TTN: variants seen among roughly 807,000 people sequenced by gnomAD.
TTN encodes titin.
TTN carries 1,525 observed loss-of-function variants against 3,223.0 expected under a neutral mutation model. The observed-to-expected ratio is 0.47, with a 90% CI of 0.45 to 0.49. The LOEUF (loss-of-function observed/expected upper bound fraction) is 0.49. TTN is among the 20% of genes least tolerant of loss of function. TTN has a pLI of 0.00. For synonymous variants in TTN, 14,094 were observed against 15,161.0 expected (o/e 0.93, Z 5.17); for missense variants, 40,786 against 43,424.0 (o/e 0.94, Z 5.40).
At chr2:178,639,089 T>G (rs943662691) in intron 223 of TTN, among the ~76,000 whole-genome samples, 2 of 152,100 alleles carry the variant, frequency 1.3e-5, no homozygotes, top group African/African-American at 4.8e-5. Flanking sequence ...TTAAGAAAAT[T>G]ATTATTGATC....
At chr2:178,767,454 C>T (rs1048846544) in intron 40 of TTN, among the ~76,000 whole-genome samples, 4 of 152,210 alleles carry the variant, frequency 2.6e-5, no homozygotes, top group Non-Finnish European at 5.9e-5. Flanking sequence ...GTGAACCTCA[C>T]GATTTACATT....
In TTN at chr2:178,613,227, C is replaced by T; in HGVS notation, c.49582G>A (p.Glu16528Lys). The change falls in exon 264 of 363, where the codon GAA (glutamate) becomes AAA (lysine). Residue 16528 changes from glutamate to lysine, a missense_variant. Coordinates refer to ENST00000589042, the MANE Select transcript of TTN (RefSeq NM_001267550.2). ...GGTTTTCCAGGTCCAGCAAGATTTT[C>T]AGCCAACACACGGAATCTGTATTTT... is the stretch of plus-strand genomic sequence containing the variant. ...KKKYRFRVLAENLAGPGKPSK... is the reference protein window; with the variant it reads ...KKKYRFRVLAKNLAGPGKPSK... 6.2e-7 allele frequency: 1 copy of T among 1,611,618 alleles called. No individual in the cohort carries two copies. The highest frequency in any genetic ancestry group is 8.5e-7 in the Non-Finnish European group (1 of 1,178,860).
chr2:178,666,893 C>A lies in TTN; in HGVS notation c.35806G>T (p.Val11936Phe). Residue 11936 changes from valine to phenylalanine, a missense_variant, in exon 163 of 363, where the codon GTC becomes TTC. Transcript: ENST00000589042. ...PEHPPTEEFE[V>F]FKEVIPEGET... ...CCCTCTGGAATGACTTCCTTGAAGACTTCAAACTCTTTAAAGATATTAGTA... is the reference window on the plus strand; with the variant it reads ...CCCTCTGGAATGACTTCCTTGAAGAATTCAAACTCTTTAAAGATATTAGTA... 1 of 1,553,668 alleles carries A rather than the reference C, an allele frequency of 6.4e-7. No individual in the cohort carries two copies. The highest frequency in any genetic ancestry group is 1.2e-5 in the South Asian group (1 of 82,516).
intron 38 of TTN, 56 bp from the exon 39 acceptor site, chr2:178,768,211 T>C: frequency 6.4e-7 from 1 of 1,570,008 alleles, no homozygotes; most frequent in Non-Finnish European, 8.7e-7. Flanking sequence ...TGAGATATAA[T>C]TCACATACTG....
At position 178,613,279 on chromosome 2, in the gene TTN, G is replaced by T; in HGVS notation, c.49533-3C>A. The T allele has an allele frequency of 6.2e-7, 1 of 1,601,496 alleles. No homozygotes were observed. The highest frequency in any genetic ancestry group is 8.5e-7 in the Non-Finnish European group (1 of 1,172,660). On this transcript the variant is annotated splice_region_variant and splice_polypyrimidine_tract_variant and intron_variant, in intron 263 of 362. Transcript: ENST00000589042. Reference sequence around the variant, plus strand: ...TCTTATTAGTGAGACCTTTCACTCTGAATTAGGAACAAAGTGCATGTGTAT... The same window carrying T: ...TCTTATTAGTGAGACCTTTCACTCTTAATTAGGAACAAAGTGCATGTGTAT...
intron 12 of TTN, 115 bp downstream of exon 12, chr2:178,789,863 G>T: frequency 7.2e-7 from 1 of 1,393,424 alleles, no homozygotes; most frequent in South Asian, 1.2e-5. Flanking sequence ...TTTGTTTTTA[G>T]TTAGGGATTT....
intron 41 of TTN, 72 bp from the exon 42 acceptor site, chr2:178,764,883 T>C: frequency 6.3e-7 from 1 of 1,575,138 alleles, no homozygotes; most frequent in Non-Finnish European, 8.7e-7. Flanking sequence ...AACTCTACAT[T>C]AATTTGTTGC....
In TTN at chr2:178,552,085, C is replaced by A; in HGVS notation, c.90815G>T (p.Trp30272Leu). The A allele has an allele frequency of 6.2e-7, 1 of 1,613,680 alleles. No individual in the cohort carries two copies. Among genetic ancestry groups the A allele is most frequent in the South Asian group, 1.1e-5 (1 of 91,058 alleles). ...GGCAACACTTGAACACACCATCTTC[C>A]AGTTAGTTTGTGAAGTTTCCCGCTT... ...IEKRETSQTNWKMVCSSVART... is the reference protein window; with the variant it reads ...IEKRETSQTNLKMVCSSVART... Residue 30272 changes from tryptophan (W) to leucine (L), a missense_variant, in exon 335 of 363, where the codon TGG (tryptophan) becomes TTG (leucine). Physicochemically the swap from Trp to Leu is moderately conservative, Grantham distance 61. Transcript: ENST00000589042.
In TTN at chr2:178,539,376, A is replaced by T; in HGVS notation, c.98683+6T>A. ...TTTATAATTTTGTGGTTGAAAGGGC[A>T]CTTACTCAATGGTGTTTTTGGTGTG... On this transcript the variant is annotated splice_donor_region_variant and intron_variant, in intron 352 of 362. Transcript: ENST00000589042. The T allele has an allele frequency of 6.2e-7, 1 of 1,608,538 alleles. No homozygotes were observed.
chr2:178,763,388 TAA>T (rs2089709972), intron 43 of TTN, among the ~76,000 whole-genome samples: 1 of 152,214 alleles, frequency 6.6e-6, no homozygotes, highest in Non-Finnish European at 1.5e-5. Context: ...ATAATAATCT[TAA>T]GTGTTTGGTA....
chr2:178,682,463 T>G (rs1378742325), intron 135 of TTN, among the ~76,000 whole-genome samples: 1 of 152,028 alleles, frequency 6.6e-6, no homozygotes, highest in East Asian at 1.9e-4. Flanking sequence ...GAGGGGGGTA[T>G]TAGATTATTC....
Position 178,710,777 on chromosome 2 carries a change from G to T in TTN, c.28320C>A (p.Gly9440=), listed in dbSNP as rs375083775. ...CCAGATAACTAATCTGGTACTTTCCGCCACTTCGTATTTCTCTGCTGTCTT... is the reference window on the plus strand; with the variant it reads ...CCAGATAACTAATCTGGTACTTTCCTCCACTTCGTATTTCTCTGCTGTCTT... ...WAKDSREIRS[G]GKYQISYLEN... is the part of the protein sequence containing the mutation. The change falls in exon 98 of 363, where the codon GGC becomes GGA. Residue 9440 remains glycine (G), a synonymous_variant. Transcript: ENST00000589042. 4 of 1,613,690 alleles carry T rather than the reference G, an allele frequency of 2.5e-6. No homozygotes were observed. The highest frequency in any genetic ancestry group is 1.7e-5 in the Admixed American group (1 of 59,976).
chr2:178,800,064 A>G (rs1240343228), intron 4 of TTN, among the ~76,000 whole-genome samples, 154 bp from the exon 5 acceptor site: 2 of 152,256 alleles, frequency 1.3e-5, no homozygotes, highest in Non-Finnish European at 2.9e-5. Flanking sequence ...AATATAAATT[A>G]GGTTTAAAAA....
In TTN at chr2:178,553,355, C is replaced by A. The variant is rs727504493; in HGVS notation, c.89545G>T (p.Val29849Phe). ...IDLDVALRTS[V>F]IAKAGEDVQV... ...ACATCTTCACCAGCTTTGGCAATAA[C>A]AGAAGTTCTGAGAGCCACATCCAGG... Residue 29849 changes from valine (V) to phenylalanine (F), a missense_variant, in exon 335 of 363, where the codon GTT (valine) becomes TTT (phenylalanine). Val to Phe is a conservative substitution (Grantham distance 50). Transcript: ENST00000589042. The A allele has an allele frequency of 3.7e-6, 6 of 1,600,316 alleles. No homozygotes were observed. The highest frequency in any genetic ancestry group is 5.1e-6 in the Non-Finnish European group (6 of 1,175,150).
intron 138 of TTN, among the ~76,000 whole-genome samples, chr2:178,680,575 T>C (rs2069147524): frequency 1.3e-5 from 2 of 152,140 alleles, no homozygotes; most frequent in South Asian, 2.1e-4. Flanking sequence ...AAATGAGGTT[T>C]AGTGTTCAAA....
chr2:178,614,224 T>C lies in TTN; in HGVS notation c.49173A>G (p.Arg16391=). The C allele has an allele frequency of 6.2e-7, 1 of 1,612,602 alleles. No homozygotes were observed. The highest frequency in any genetic ancestry group is 1.1e-5 in the South Asian group (1 of 91,052). ...SKITNYVVER[R]ATDSEVWHKL... Reference sequence around the variant, plus strand: ...TGTGCCACACTTCACTATCAGTTGCTCGTCTCTCCACAACATAGTTTGTGA... The same window carrying C: ...TGTGCCACACTTCACTATCAGTTGCCCGTCTCTCCACAACATAGTTTGTGA... Residue 16391 remains arginine, a synonymous_variant, in exon 262 of 363, where the codon CGA becomes CGG. Coordinates refer to ENST00000589042, the MANE Select transcript of TTN (RefSeq NM_001267550.2).
At position 178,593,045 on chromosome 2, in the gene TTN, T is replaced by C. The variant is rs771977738; in HGVS notation, c.59074A>G (p.Thr19692Ala). The change falls in exon 300 of 363, where the codon ACA becomes GCA. Residue 19692 changes from threonine (T) to alanine (A), a missense_variant. Coordinates refer to ENST00000589042, the MANE Select transcript of TTN (RefSeq NM_001267550.2). ...SPPVNPEAID[T>A]TCNSVDLTWQ... ...GTTAGATCGACTGAATTGCATGTTG[T>C]ATCTATTGCTTCAGGATTAACAGGT... 9.9e-6 allele frequency: 16 copies of C among 1,613,462 alleles called. No individual in the cohort carries two copies. In the Admixed American group the frequency reaches 2.5e-4, roughly 25 times the overall value.
rs771094174 is a variant in TTN at position 178,747,813 on chromosome 2, C to T, written c.11311+5311G>A. On this transcript the variant is annotated intron_variant, in intron 47 of 362. Transcript: ENST00000589042. ...AAAGAAGCTTCATTCTGAACTTGAA[C>T]TTCTTCATAACATTTTTCTTCTCCA... is the stretch of plus-strand genomic sequence containing the variant. 3.1e-6 allele frequency: 5 copies of T among 1,612,546 alleles called. No homozygotes were observed. The African/African-American group carries it at 6.7e-5, about 22-fold the overall frequency.
Position 178,605,646 on chromosome 2 carries a change from C to G in TTN, c.53649G>C (p.Trp17883Cys), listed in dbSNP as rs774663244. The G allele has an allele frequency of 6.2e-7, 1 of 1,610,362 alleles. No individual in the cohort carries two copies. The highest frequency in any genetic ancestry group is 1.7e-5 in the Admixed American group (1 of 59,886). ...ERTKSTITLD[W>C]KEPRSNGGSP... ...TGCCACCATTACTGCGGGGCTCTTT[C>G]CAGTCAAGTGTGATAGTGGACTTTG... Residue 17883 changes from tryptophan to cysteine, a missense_variant, in exon 279 of 363, where the codon TGG becomes TGC. Trp to Cys is a radical substitution (Grantham distance 215, BLOSUM62 -2). Transcript: ENST00000589042.
Sources: gnomAD v4.1 joint callset for allele counts (sites outside exome capture counted in the v4.1 genomes callset) on GRCh38, gnomAD v4.1.1 for gene constraint, MANE v1.5 for transcripts, NCBI Gene and HGNC (gene_info 2026-07-23, HGNC 2026-07-21) for gene names.